The following NRG1 variants were observed in gnomAD, a reference collection of about 807,000 sequenced individuals.
NRG1 encodes pro-neuregulin-1, membrane-bound isoform.
Under a neutral mutation model 63.8 loss-of-function variants are expected in NRG1, and 18 were observed. That is an observed-to-expected ratio of 0.28 (90% CI 0.19 to 0.42). The LOEUF (loss-of-function observed/expected upper bound fraction) is 0.42. Among genes scored for constraint, NRG1 ranks in the 10% least tolerant of loss-of-function variants. The pLI is 1.00. For synonymous variants in NRG1, 302 were observed against 301.3 expected, an observed-to-expected ratio of 1.00 and a Z score of -0.02; for missense variants, 762 against 814.7, an observed-to-expected ratio of 0.94 and a Z score of 0.79.
intron 1 of NRG1, among the ~76,000 whole-genome samples, chr8:32,144,710 A>G (rs184163904): frequency 1.3e-4 from 20 of 152,208 alleles, no homozygotes; most frequent in Admixed American, 1.2e-3. Context: ...TCAAGCTGGG[A>G]TGGATCCTTG....
chr8:32,106,378 A>G (rs1223241242), intron 1 of NRG1, among the ~76,000 whole-genome samples: 1 of 152,194 alleles, frequency 6.6e-6, no homozygotes, highest in Non-Finnish European at 1.5e-5. Flanking sequence ...TTTTGATTAT[A>G]TGACTCTGTG....
chr8:31,831,971 G>T (rs531256457), intron 1 of NRG1, among the ~76,000 whole-genome samples: 2 of 152,210 alleles, frequency 1.3e-5, no homozygotes, highest in African/African-American at 4.8e-5. Flanking sequence ...TCTCTTGCAA[G>T]ACTCCTCTTT....
chr8:32,528,474 A>G (rs2129516639), intron 1 of NRG1, among the ~76,000 whole-genome samples: 1 of 152,330 alleles, frequency 6.6e-6, no homozygotes, highest in South Asian at 2.1e-4. Context: ...TAGTACAACA[A>G]TAGGTATGTT....
At chr8:31,806,471 C>G (rs1261675510) in intron 1 of NRG1, among the ~76,000 whole-genome samples, 2 of 151,982 alleles carry the variant, frequency 1.3e-5, no homozygotes, top group Admixed American at 1.3e-4. Context: ...CGAGTTTATT[C>G]CATTACAATG....
At chr8:31,685,663 C>T (rs1235189729) in intron 1 of NRG1, among the ~76,000 whole-genome samples, 1 of 152,146 alleles carries the variant, frequency 6.6e-6, no homozygotes, top group Non-Finnish European at 1.5e-5. Flanking sequence ...ACTCCCCATC[C>T]CCCATGTAGT....
intron 5 of NRG1, among the ~76,000 whole-genome samples, chr8:32,646,044 C>T (rs1401873576): frequency 1.3e-5 from 2 of 152,316 alleles, no homozygotes; most frequent in Middle Eastern, 3.4e-3. Context: ...GAATCCAAAC[C>T]TCTGCAGTGT....
intron 1 of NRG1, among the ~76,000 whole-genome samples, chr8:31,738,965 C>T (rs529658640): frequency 8.5e-4 from 129 of 152,078 alleles, no homozygotes; most frequent in Middle Eastern, 3.4e-3. Context: ...TCTGAGGCAC[C>T]GGGGGTTAGG....
chr8:32,159,062 A>G (rs1391846819), intron 1 of NRG1, among the ~76,000 whole-genome samples: 2 of 152,160 alleles, frequency 1.3e-5, no homozygotes, highest in Non-Finnish European at 2.9e-5. Flanking sequence ...CCCCATACAC[A>G]TAGAGGCCAC....
At chr8:31,900,721 C>T (rs370234885) in intron 1 of NRG1, among the ~76,000 whole-genome samples, 2 of 152,196 alleles carry the variant, frequency 1.3e-5, no homozygotes, top group African/African-American at 4.8e-5. Flanking sequence ...TAAACTCCCA[C>T]TCCACCCCCT....
chr8:32,631,081 G>A (rs1850213613), intron 5 of NRG1, among the ~76,000 whole-genome samples: 1 of 152,064 alleles, frequency 6.6e-6, no homozygotes, highest in Non-Finnish European at 1.5e-5. Context: ...AATTATATCT[G>A]AACTTGAAAT....
At position 32,088,237 on chromosome 8, in the gene NRG1, T is replaced by C. The variant is rs76023989; in HGVS notation, c.37+448806T>C. On this transcript the variant is annotated intron_variant, in intron 1 of 10. Coordinates refer to the NRG1 transcript ENST00000519301. ...AAAAGCTCCAAAGCCAGGAACTATA[T>C]CTTCCTCACTTCCTCATTCTCCACG... Among the ~76,000 whole-genome samples, 213 of 152,312 alleles carry C rather than the reference T, an allele frequency of 1.4e-3. 4 individuals carry two copies. The East Asian group carries it at 0.041, about 29-fold the overall frequency.
At chr8:32,005,772 C>A (rs535031990) in intron 1 of NRG1, among the ~76,000 whole-genome samples, 43 of 152,074 alleles carry the variant, frequency 2.8e-4, no homozygotes, top group Non-Finnish European at 4.3e-4. Flanking sequence ...GGGAAAATGA[C>A]CTGAACTATT....
intron 1 of NRG1, among the ~76,000 whole-genome samples, chr8:31,703,345 T>C (rs1810815044): frequency 6.6e-6 from 1 of 152,000 alleles, no homozygotes; most frequent in Non-Finnish European, 1.5e-5. Flanking sequence ...AGCTAGAATT[T>C]TGAAGGCCAA....
intron 1 of NRG1, among the ~76,000 whole-genome samples, chr8:32,276,860 A>G (rs1407773203): frequency 6.6e-6 from 1 of 152,218 alleles, no homozygotes; most frequent in Admixed American, 6.5e-5. Context: ...GAGATACTTC[A>G]GTGCCAGCAT....
chr8:32,215,989 C>T (rs1845185519), intron 1 of NRG1, among the ~76,000 whole-genome samples: 2 of 151,110 alleles, frequency 1.3e-5, no homozygotes, highest in African/African-American at 4.9e-5. Flanking sequence ...TGCAGTGAGC[C>T]GATATCATGC....
intron 5 of NRG1, among the ~76,000 whole-genome samples, chr8:32,640,636 A>G (rs1395391916): frequency 2.0e-5 from 3 of 150,726 alleles, no homozygotes; most frequent in African/African-American, 7.4e-5. Flanking sequence ...ACACACACAC[A>G]CACACACACA....
At chr8:32,598,425 T>G (rs1453978294) in intron 2 of NRG1, among the ~76,000 whole-genome samples, 1 of 152,144 alleles carries the variant, frequency 6.6e-6, no homozygotes, top group African/African-American at 2.4e-5. Flanking sequence ...ACATGTATAC[T>G]TAAAGAGGTA....
At chr8:32,295,237 T>C (rs1854698743) in intron 1 of NRG1, among the ~76,000 whole-genome samples, 1 of 152,150 alleles carries the variant, frequency 6.6e-6, no homozygotes, top group Non-Finnish European at 1.5e-5. Flanking sequence ...TGATTTCTTT[T>C]TCTAAAAAAA....
At chr8:32,071,338 C>T (rs1043456851) in intron 1 of NRG1, among the ~76,000 whole-genome samples, 14 of 152,198 alleles carry the variant, frequency 9.2e-5, no homozygotes, top group South Asian at 4.2e-4. Context: ...TCTGTGCAGT[C>T]GTAGAGTATT....
Sources: allele counts gnomAD v4.1 joint callset (sites outside exome capture counted in the v4.1 genomes callset), GRCh38; gene constraint gnomAD v4.1.1; transcripts MANE v1.5; gene names NCBI Gene and HGNC (gene_info 2026-07-23, HGNC 2026-07-21).